The following IL19 variants were observed in gnomAD, a reference collection of about 807,000 sequenced individuals.
IL19 encodes the protein interleukin 19, also known as interleukin-19.
Under a neutral mutation model 19.5 loss-of-function variants are expected in IL19, and 15 were observed. That is an observed-to-expected ratio of 0.77 (90% CI 0.52 to 1.19). The LOEUF (loss-of-function observed/expected upper bound fraction) is 1.19. Ranked by LOEUF, IL19 falls within the 50% of genes most tolerant of loss-of-function variation. The pLI is 0.00. For synonymous variants in IL19, 78 were observed against 78.3 expected, an observed-to-expected ratio of 1.00 and a Z score of 0.02; for missense variants, 199 against 213.1, an observed-to-expected ratio of 0.93 and a Z score of 0.41.
At chr1:206,828,516 G>T (rs754838461) in intron 2 of IL19, among the ~76,000 whole-genome samples, 61 of 152,158 alleles carry the variant, frequency 4.0e-4, no homozygotes, top group Non-Finnish European at 6.5e-4. Flanking sequence ...CCCACTCTTG[G>T]GGTCTAGATT....
At chr1:206,787,110 T>A (rs1397615890) in intron 1 of IL19, among the ~76,000 whole-genome samples, 1 of 152,142 alleles carries the variant, frequency 6.6e-6, no homozygotes, top group Non-Finnish European at 1.5e-5. Context: ...ACACGGGGGC[T>A]CTCACTATTG....
chr1:206,832,693 T>A (rs930124871), intron 2 of IL19, among the ~76,000 whole-genome samples: 3 of 152,134 alleles, frequency 2.0e-5, no homozygotes, highest in Admixed American at 6.5e-5. Context: ...CCAAGTTAGG[T>A]CACTTTCCTG....
At chr1:206,793,511 C>T (rs1675453098) in intron 1 of IL19, among the ~76,000 whole-genome samples, 1 of 152,212 alleles carries the variant, frequency 6.6e-6, no homozygotes, top group African/African-American at 2.4e-5. Context: ...GCCTGACTCA[C>T]CCTGCATCGC....
At chr1:206,797,787 G>C (rs1476429485) in intron 1 of IL19, among the ~76,000 whole-genome samples, 1 of 152,236 alleles carries the variant, frequency 6.6e-6, no homozygotes, top group East Asian at 1.9e-4. Flanking sequence ...GGAGTCTGGA[G>C]AAGGTGTCGT....
intron 1 of IL19, among the ~76,000 whole-genome samples, chr1:206,777,693 A>T (rs1308976124): frequency 6.6e-6 from 1 of 152,208 alleles, no homozygotes; most frequent in Non-Finnish European, 1.5e-5. Context: ...GACCGTGCCC[A>T]TCTTGGGGAT....
chr1:206,830,595 T>A (rs527665301), intron 2 of IL19, among the ~76,000 whole-genome samples: 90 of 144,926 alleles, frequency 6.2e-4, no homozygotes, highest in African/African-American at 2.2e-3. Flanking sequence ...ATATATATAT[T>A]TGAGATGGAG....
intron 2 of IL19, among the ~76,000 whole-genome samples, chr1:206,802,888 G>C (rs4845142): frequency 0.28 from 42,158 of 152,182 alleles, 7,269 homozygotes; most frequent in East Asian, 0.68. Flanking sequence ...AGGAAGACGA[G>C]GGGACAGGAA....
At chr1:206,774,467 T>C (rs1293615512) in intron 1 of IL19, among the ~76,000 whole-genome samples, 1 of 152,168 alleles carries the variant, frequency 6.6e-6, no homozygotes, top group African/African-American at 2.4e-5. Context: ...TTTTCTGGGC[T>C]GTGTCTGTGT....
intron 5 of IL19, among the ~76,000 whole-genome samples, 157 bp from the exon 6 acceptor site, chr1:206,840,847 A>G (rs1399063395): frequency 6.6e-6 from 1 of 152,192 alleles, no homozygotes; most frequent in Non-Finnish European, 1.5e-5. Flanking sequence ...TCTACAGACA[A>G]GCTCTATTCT....
At chr1:206,809,683 A>T (rs1006813447) in intron 2 of IL19, among the ~76,000 whole-genome samples, 1 of 152,202 alleles carries the variant, frequency 6.6e-6, no homozygotes, top group Non-Finnish European at 1.5e-5. Context: ...TTGGCACTAG[A>T]TGGCACTGTA....
intron 1 of IL19, among the ~76,000 whole-genome samples, chr1:206,794,219 C>T (rs1313363129): frequency 1.3e-5 from 2 of 152,204 alleles, no homozygotes; most frequent in Non-Finnish European, 2.9e-5. Context: ...TCAGTTTCCC[C>T]ACCTGCAACT....
rs1369883846 is a variant in IL19 at position 206,837,016 on chromosome 1, T to A, written c.203T>A (p.Ile68Asn). The A allele has an allele frequency of 6.2e-7, 1 of 1,612,494 alleles. No individual in the cohort carries two copies. Among genetic ancestry groups the A allele is most frequent in the Admixed American group, 1.7e-5 (1 of 60,022 alleles). The change falls in exon 4 of 7, where the codon ATC becomes AAC. Residue 68 changes from isoleucine (I) to asparagine (N), a missense_variant. Physicochemically the swap from Ile to Asn is moderately radical, Grantham distance 149 (BLOSUM62 -3). Transcript: ENST00000659997. ...TILSTLETLQ[I>N]IKPLDVCCVT... ...CTGTCCACATTGGAGACTCTGCAGATCATTAAGGTATTGGCCTGTGTCTGC... is the reference window on the plus strand; with the variant it reads ...CTGTCCACATTGGAGACTCTGCAGAACATTAAGGTATTGGCCTGTGTCTGC...
chr1:206,798,728 G>C (rs554086178), intron 1 of IL19, 133 bp from the exon 2 acceptor site: 1 of 567,754 alleles, frequency 1.8e-6, no homozygotes, highest in Admixed American at 3.4e-5. Context: ...GGTGTGATTC[G>C]GTTCAGAGTA....
chr1:206,806,039 A>T (rs189592457), intron 2 of IL19, among the ~76,000 whole-genome samples: 16 of 152,316 alleles, frequency 1.1e-4, no homozygotes, highest in Middle Eastern at 3.4e-3. Context: ...CTCCCAGTTT[A>T]CCAATCCCAG....
intron 1 of IL19, among the ~76,000 whole-genome samples, chr1:206,776,370 C>T: frequency 6.6e-6 from 1 of 152,066 alleles, no homozygotes; most frequent in East Asian, 1.9e-4. Flanking sequence ...GGAAGCTCCG[C>T]CCAGTAAGTT....
At chr1:206,773,199 T>C (rs1300877067) in intron 1 of IL19, among the ~76,000 whole-genome samples, 1 of 152,146 alleles carries the variant, frequency 6.6e-6, no homozygotes, top group Non-Finnish European at 1.5e-5. Context: ...AGTCTGCACT[T>C]GCTGAAAGCT....
intron 2 of IL19, among the ~76,000 whole-genome samples, chr1:206,827,659 C>A (rs1676471584): frequency 6.6e-6 from 1 of 151,750 alleles, no homozygotes; most frequent in African/African-American, 2.4e-5. Context: ...CCACTGCACT[C>A]CAGCCTGGGT....
intron 1 of IL19, among the ~76,000 whole-genome samples, chr1:206,797,041 GGAA>G (rs1163114805): frequency 6.6e-6 from 1 of 152,216 alleles, no homozygotes; most frequent in Non-Finnish European, 1.5e-5. Flanking sequence ...AAGACTTGGA[GGAA>G]GAAGAACCTT....
At chr1:206,824,450 C>T (rs6684086) in intron 2 of IL19, among the ~76,000 whole-genome samples, 7,041 of 152,272 alleles carry the variant, frequency 0.046, 562 homozygotes, top group African/African-American at 0.16. Context: ...AACATAGACT[C>T]TCTTCAGTGA....
Sources: allele counts gnomAD v4.1 joint callset (sites outside exome capture counted in the v4.1 genomes callset), GRCh38; gene constraint gnomAD v4.1.1; transcripts MANE v1.5; gene names NCBI Gene and HGNC (gene_info 2026-07-23, HGNC 2026-07-21).